Variants in SSBP3 observed in about 807,000 individuals in gnomAD.
SSBP3 encodes single-stranded DNA-binding protein 3.
Under a neutral mutation model 69.6 loss-of-function variants are expected in SSBP3, and 5 were observed. The observed-to-expected ratio is 0.07, with a 90% CI of 0.04 to 0.15. The LOEUF (loss-of-function observed/expected upper bound fraction) is 0.15. SSBP3 is among the 10% of genes least tolerant of loss of function. The pLI is 1.00. For synonymous variants in SSBP3, 196 were observed against 193.4 expected (o/e 1.01, Z -0.11); for missense variants, 312 against 534.0 (o/e 0.58, Z 4.10).
chr1:54,337,621 G>C (rs1207623197), intron 4 of SSBP3, among the ~76,000 whole-genome samples: 1 of 147,196 alleles, frequency 6.8e-6, no homozygotes, highest in African/African-American at 2.5e-5. Flanking sequence ...CTTGCCTCAT[G>C]AGTAGCTGGG....
At chr1:54,354,651 C>A (rs1258806717) in intron 4 of SSBP3, among the ~76,000 whole-genome samples, 2 of 152,128 alleles carry the variant, frequency 1.3e-5, no homozygotes, top group African/African-American at 4.8e-5. Flanking sequence ...CCTGAAGTCC[C>A]AGTAAGTACT....
intron 4 of SSBP3, chr1:54,356,637 A>G (rs926219833): frequency 6.6e-6 from 1 of 152,242 alleles, no homozygotes; most frequent in African/African-American, 2.4e-5. Flanking sequence ...TCTGCCAAAC[A>G]AGCCCCCCAC....
At chr1:54,404,960 G>T (rs367849049) in intron 1 of SSBP3, 30 bp from the exon 2 acceptor site, 1 of 1,597,768 alleles carries the variant, frequency 6.3e-7, no homozygotes, top group African/African-American at 1.3e-5. Context: ...CAAAGAGAGA[G>T]AGGGAAAGGC....
chr1:54,266,007 A>G (rs1316914718), intron 5 of SSBP3, among the ~76,000 whole-genome samples: 1 of 152,260 alleles, frequency 6.6e-6, no homozygotes, highest in Non-Finnish European at 1.5e-5. Flanking sequence ...GAACAGAATC[A>G]GCAAGTGATG....
At chr1:54,270,640 C>T (rs911529263) in intron 5 of SSBP3, among the ~76,000 whole-genome samples, 1 of 152,178 alleles carries the variant, frequency 6.6e-6, no homozygotes, top group African/African-American at 2.4e-5. Context: ...AACCCTGAGG[C>T]AGCTCTTGTT....
intron 17 of SSBP3, among the ~76,000 whole-genome samples, chr1:54,228,005 G>T (rs994477333): frequency 1.3e-5 from 2 of 152,204 alleles, no homozygotes. Context: ...TCTCCCGGCC[G>T]TATCAGCTTA....
At chr1:54,407,179 G>C (rs1441474540), upstream of SSBP3, among the ~76,000 whole-genome samples, 1 of 152,040 alleles carries the variant, frequency 6.6e-6, no homozygotes, top group Non-Finnish European at 1.5e-5. Context: ...GGGGACAGGG[G>C]ACTTGAATTA....
intron 4 of SSBP3, among the ~76,000 whole-genome samples, chr1:54,350,971 C>A (rs926345454): frequency 1.3e-5 from 2 of 152,030 alleles, no homozygotes; most frequent in African/African-American, 4.8e-5. Flanking sequence ...ACTACAGGCA[C>A]GTGCCGCCAA....
intron 5 of SSBP3, among the ~76,000 whole-genome samples, chr1:54,277,161 C>T (rs1316619518): frequency 1.3e-5 from 2 of 151,748 alleles, no homozygotes; most frequent in Non-Finnish European, 2.9e-5. Context: ...GCTTGGACTA[C>T]ATCAGGGATG....
exon 9 of SSBP3, chr1:54,251,685 G>A (rs761614929): frequency 5.1e-6 from 8 of 1,557,774 alleles, no homozygotes; most frequent in Non-Finnish European, 7.0e-6. Context: ...CTCCCATGTT[G>A]GGGTGGCCTG....
intron 9 of SSBP3, among the ~76,000 whole-genome samples, chr1:54,248,903 A>C (rs976758710): frequency 6.6e-6 from 1 of 152,214 alleles, no homozygotes. Context: ...ATATGCTTCC[A>C]GAGTTCCTGA....
chr1:54,244,276 G>A (rs889685018), intron 9 of SSBP3, among the ~76,000 whole-genome samples: 1 of 152,152 alleles, frequency 6.6e-6, no homozygotes, highest in African/African-American at 2.4e-5. Flanking sequence ...GCTGATATTT[G>A]TATTTTTAGT....
At chr1:54,251,580 G>A in intron 9 of SSBP3, 36 bp downstream of exon 9, 1 of 1,546,120 alleles carries the variant, frequency 6.5e-7, no homozygotes, top group Non-Finnish European at 8.8e-7. Flanking sequence ...CACACAGATG[G>A]CCAGGGAGAC....
chr1:54,226,748 T>C (rs1644291466), exon 18 of SSBP3: 2 of 194,112 alleles, frequency 1.0e-5, no homozygotes, highest in African/African-American at 2.4e-5. Flanking sequence ...AAAAAAATTT[T>C]CCCCCAAAAA....
At chr1:54,240,773 G>C in intron 13 of SSBP3, 132 bp downstream of exon 13, 1 of 1,187,600 alleles carries the variant, frequency 8.4e-7, no homozygotes, top group Non-Finnish European at 1.2e-6. Context: ...TAAATGCCCA[G>C]TGGAAGATGT....
chr1:54,278,969 T>C (rs1338913142), intron 5 of SSBP3, among the ~76,000 whole-genome samples: 1 of 152,226 alleles, frequency 6.6e-6, no homozygotes, highest in Admixed American at 6.5e-5. Flanking sequence ...AGTACCTCCT[T>C]CCAGAGAGAT....
chr1:54,319,035 C>T (rs189821665), intron 4 of SSBP3, among the ~76,000 whole-genome samples: 76 of 152,262 alleles, frequency 5.0e-4, no homozygotes, highest in Non-Finnish European at 7.2e-4. Flanking sequence ...GTGTTCTAGG[C>T]TGTCCACACC....
At chr1:54,277,867 G>C (rs1043515381) in intron 5 of SSBP3, among the ~76,000 whole-genome samples, 1 of 152,136 alleles carries the variant, frequency 6.6e-6, no homozygotes, top group Non-Finnish European at 1.5e-5. Context: ...ACCCAGATCA[G>C]TGAGGCTGGC....
intron 4 of SSBP3, among the ~76,000 whole-genome samples, chr1:54,373,830 C>T (rs1647174752): frequency 6.6e-6 from 1 of 151,760 alleles, no homozygotes; most frequent in African/African-American, 2.4e-5. Flanking sequence ...GCCCCCAACT[C>T]CCTACTCACA....
Sources: gnomAD v4.1 joint callset for allele counts (sites outside exome capture counted in the v4.1 genomes callset) on GRCh38, gnomAD v4.1.1 for gene constraint, MANE v1.5 for transcripts, NCBI Gene and HGNC (gene_info 2026-07-23, HGNC 2026-07-21) for gene names.